The following MED12L variants were observed in gnomAD, a reference collection of about 807,000 sequenced individuals.
MED12L encodes the protein mediator complex subunit 12L, also known as mediator of RNA polymerase II transcription subunit 12-like protein.
Under a neutral mutation model 281.3 loss-of-function variants are expected in MED12L, and 60 were observed. That is an observed-to-expected ratio of 0.21 (90% confidence interval 0.17 to 0.26). MED12L has a LOEUF of 0.26. Ranked by LOEUF, MED12L falls within the 10% of genes least tolerant of loss-of-function variation. The probability of loss-of-function intolerance (pLI) is 1.00; values close to 1 mark genes in which losing one functional copy is unlikely to be tolerated. For synonymous variants in MED12L, 974 were observed against 987.2 expected, an observed-to-expected ratio of 0.99 and a Z score of 0.25; for missense variants, 2,146 against 2,680.9, an observed-to-expected ratio of 0.80 and a Z score of 4.41.
At chr3:151,283,889 G>A (rs1464133304) in intron 16 of MED12L, among the ~76,000 whole-genome samples, 1 of 152,182 alleles carries the variant, frequency 6.6e-6, no homozygotes, top group Non-Finnish European at 1.5e-5. Flanking sequence ...TTTTGTAGAT[G>A]TCTGAATCCC....
At chr3:151,294,525 T>C (rs751169605) in intron 16 of MED12L, 4 of 1,614,178 alleles carry the variant, frequency 2.5e-6, no homozygotes, top group Non-Finnish European at 2.5e-6. Context: ...GACTGACTTA[T>C]GAATTGCCTG....
At chr3:151,399,510 A>G (rs1715394189) in intron 39 of MED12L, among the ~76,000 whole-genome samples, 1 of 152,180 alleles carries the variant, frequency 6.6e-6, no homozygotes, top group African/African-American at 2.4e-5. Flanking sequence ...TTGTCATCCT[A>G]ATTGTCATTT....
intron 16 of MED12L, among the ~76,000 whole-genome samples, chr3:151,221,087 T>C (rs186603309): frequency 6.6e-6 from 1 of 152,298 alleles, no homozygotes; most frequent in African/African-American, 2.4e-5. Context: ...GTGATTCTTG[T>C]TATGTTTTAG....
intron 20 of MED12L, among the ~76,000 whole-genome samples, chr3:151,359,114 G>A (rs1754302284): frequency 1.3e-5 from 2 of 152,086 alleles, no homozygotes; most frequent in Admixed American, 1.3e-4. Flanking sequence ...CCCAGTGTCT[G>A]TTGTTCTCAT....
chr3:151,390,213 C>T (rs1714015089), intron 38 of MED12L, 78 bp downstream of exon 38: 2 of 1,433,744 alleles, frequency 1.4e-6, no homozygotes, highest in South Asian at 2.4e-5. Context: ...CTGAAACCTC[C>T]ACAAAACTTG....
chr3:151,380,736 A>G lies in MED12L; in HGVS notation c.4590+512A>G, dbSNP rs139493638. On this transcript the variant is annotated intron_variant, in intron 32 of 44. Transcript: ENST00000687756. ...ACTTTATATTAATGAGATATATACA[A>G]TAAATGTGTACTGCCTATAAAAGTA... is the stretch of plus-strand genomic sequence containing the variant. 3.4e-4 allele frequency among the ~76,000 whole-genome samples: 52 copies of G among 152,364 alleles called. No homozygotes were observed. In the East Asian group the frequency reaches 6.7e-3, roughly 20 times the overall value.
At chr3:151,305,845 TG>T (rs1305536343) in intron 16 of MED12L, among the ~76,000 whole-genome samples, 1 of 152,164 alleles carries the variant, frequency 6.6e-6, no homozygotes, top group Non-Finnish European at 1.5e-5. Context: ...TTATTTGGCC[TG>T]AACAATGTTG....
intron 16 of MED12L, chr3:151,213,323 G>A (rs1295786682): frequency 1.2e-6 from 2 of 1,611,020 alleles, no homozygotes; most frequent in East Asian, 2.2e-5. Flanking sequence ...GTGCTTTCAA[G>A]TGTTGTATTT....
chr3:151,377,774 G>A (rs565879243), intron 30 of MED12L, among the ~76,000 whole-genome samples: 4 of 152,282 alleles, frequency 2.6e-5, no homozygotes, highest in African/African-American at 9.6e-5. Context: ...ATTAAAGTCA[G>A]TTTAGTTACA....
intron 10 of MED12L, 31 bp from the exon 11 acceptor site, chr3:151,165,815 C>T: frequency 6.2e-7 from 1 of 1,602,172 alleles, no homozygotes; most frequent in East Asian, 2.2e-5. Flanking sequence ...TTTTTGGCCT[C>T]ATTAACCACT....
chr3:151,209,107 C>T (rs571128387), intron 16 of MED12L, among the ~76,000 whole-genome samples: 164 of 152,236 alleles, frequency 1.1e-3, no homozygotes, highest in Non-Finnish European at 1.1e-3. Flanking sequence ...AACAAGTAGT[C>T]TTATAAGTTT....
At chr3:151,427,700 C>A (rs978306256) in intron 43 of MED12L, among the ~76,000 whole-genome samples, 1 of 152,172 alleles carries the variant, frequency 6.6e-6, no homozygotes. Flanking sequence ...TATTTGGAAG[C>A]TGGTATTTTC....
intron 16 of MED12L, among the ~76,000 whole-genome samples, chr3:151,305,595 A>AT (rs2149747049): frequency 6.6e-6 from 1 of 152,236 alleles, no homozygotes; most frequent in East Asian, 1.9e-4. Flanking sequence ...AGACAGTTTA[A>AT]TTAAGTTGCC....
chr3:151,348,138 A>G (rs1467509788), intron 16 of MED12L, among the ~76,000 whole-genome samples: 2 of 152,162 alleles, frequency 1.3e-5, no homozygotes, highest in African/African-American at 4.8e-5. Flanking sequence ...TCTTGCCTCA[A>G]ATAGATATTC....
At position 151,127,975 on chromosome 3, in the gene MED12L, C is replaced by T. The variant is rs1469725190; in HGVS notation, c.547C>T (p.Pro183Ser). ...AATTAAGAAACGTCAGGCTCCTGAT[C>T]CGAATTTGGGTAAGTGAGAGAATAC... is the stretch of plus-strand genomic sequence containing the variant. ...AKIKKRQAPD[P>S]NLEWTQISTR... Residue 183 changes from proline to serine, a missense_variant, in exon 5 of 45, where the codon CCG becomes TCG. By Grantham distance (74) the Pro-to-Ser change is moderately conservative. This residue lies in a region of MED12L where 722 missense variants were observed against 861.2 expected (regional missense o/e 0.84). Transcript: ENST00000687756. 6.2e-7 allele frequency: 1 copy of T among 1,611,102 alleles called. No individual in the cohort carries two copies. The highest frequency in any genetic ancestry group is 1.1e-5 in the South Asian group (1 of 90,320).
intron 8 of MED12L, among the ~76,000 whole-genome samples, chr3:151,162,005 G>A (rs576211657): frequency 2.9e-4 from 44 of 150,808 alleles, no homozygotes; most frequent in East Asian, 5.8e-4. Context: ...AGGAGAAATA[G>A]CACTAATTGT....
intron 9 of MED12L, 49 bp downstream of exon 9, chr3:151,164,091 G>A: frequency 2.5e-6 from 4 of 1,594,134 alleles, no homozygotes; most frequent in Non-Finnish European, 3.4e-6. Flanking sequence ...TTCTTGACAG[G>A]CATCAGGGCA....
chr3:151,379,524 G>C (rs986355008), intron 31 of MED12L, among the ~76,000 whole-genome samples: 1 of 152,228 alleles, frequency 6.6e-6, no homozygotes, highest in African/African-American at 2.4e-5. Context: ...CTATGTTGGA[G>C]CCTGTGGGCT....
rs180762451 is a variant in MED12L at position 151,397,448 on chromosome 3, A to G, written c.5820+2581A>G. ...ATGAGATTTGCATGTAGCATCCGTC[A>G]TGGTACCTGTACTTAGGAGGTTCTG... On this transcript the variant is annotated intron_variant, in intron 39 of 44. Transcript: ENST00000687756. Among the ~76,000 whole-genome samples, 229 of 152,332 alleles carry G rather than the reference A, an allele frequency of 1.5e-3. 3 individuals are homozygous for G. The highest frequency in any genetic ancestry group is 5.0e-3 in the African/African-American group (208 of 41,590).
Sources: allele counts gnomAD v4.1 joint callset (sites outside exome capture counted in the v4.1 genomes callset), GRCh38; gene constraint gnomAD v4.1.1; regional missense constraint gnomAD v4.1.1; transcripts MANE v1.5; gene names NCBI Gene and HGNC (gene_info 2026-07-23, HGNC 2026-07-21).